The following RAP1GDS1 variants were observed in gnomAD, a reference collection of about 807,000 sequenced individuals.
The protein encoded by RAP1GDS1 is RAP1, GTP-GDP dissociation stimulator 1.
In RAP1GDS1, 35 loss-of-function variants were observed where a neutral mutation model predicts 71.1. That is an observed-to-expected ratio of 0.49 (90% CI 0.38 to 0.65). RAP1GDS1 has a LOEUF of 0.65. RAP1GDS1 is among the 30% of genes least tolerant of loss of function. RAP1GDS1 has a pLI of 0.00. For synonymous variants in RAP1GDS1, 229 were observed against 243.1 expected, an observed-to-expected ratio of 0.94 and a Z score of 0.54; for missense variants, 663 against 706.1, an observed-to-expected ratio of 0.94 and a Z score of 0.69.
chr4:98,424,770 CAAAA>C (rs1157760868), intron 12 of RAP1GDS1, among the ~76,000 whole-genome samples: 1 of 83,650 alleles, frequency 1.2e-5, no homozygotes, highest in Non-Finnish European at 2.6e-5. Context: ...ACTCTGTCTC[CAAAA>C]AAAAAAAAAA....
intron 12 of RAP1GDS1, among the ~76,000 whole-genome samples, chr4:98,433,702 A>G (rs1750766118): frequency 2.0e-5 from 3 of 152,288 alleles, no homozygotes; most frequent in East Asian, 1.9e-4. Context: ...GTTTTTTAAT[A>G]TGAACTGCAG....
chr4:98,403,561 G>A (rs940555889), intron 6 of RAP1GDS1, among the ~76,000 whole-genome samples: 2 of 152,168 alleles, frequency 1.3e-5, no homozygotes, highest in African/African-American at 4.8e-5. Flanking sequence ...AGATACTCAA[G>A]TAGAGGTGTC....
chr4:98,344,551 A>G (rs773799970), intron 3 of RAP1GDS1, among the ~76,000 whole-genome samples: 50 of 152,284 alleles, frequency 3.3e-4, no homozygotes, highest in Admixed American at 1.2e-3. Context: ...TTACTTAATA[A>G]TATTCCTCAT....
chr4:98,437,049 A>G lies in RAP1GDS1; in HGVS notation c.1677A>G (p.Ile559Met), dbSNP rs1426327293. The G allele has an allele frequency of 2.5e-6, 4 of 1,606,380 alleles. No individual in the cohort carries two copies. The highest frequency in any genetic ancestry group is 2.5e-6 in the Non-Finnish European group (3 of 1,177,998). Residue 559 changes from isoleucine (I) to methionine (M), a missense_variant, in exon 14 of 15, where the codon ATA becomes ATG. Physicochemically the swap from Ile to Met is conservative, Grantham distance 10 (BLOSUM62 1). Transcript: ENST00000408927. ...PEIKYNSMVL[I>M]CALMGSECLH... ...TCAAATATAATTCCATGGTCCTGAT[A>G]TGTGCTCTTATGGGATCTGGTAAGT...
chr4:98,417,288 GGA>G, intron 8 of RAP1GDS1, 77 bp from the exon 9 acceptor site: 2 of 1,402,614 alleles, frequency 1.4e-6, no homozygotes, highest in Non-Finnish European at 2.0e-6. Context: ...GTTTCCAGTT[GGA>G]TATTCACCTA....
intron 2 of RAP1GDS1, among the ~76,000 whole-genome samples, chr4:98,341,893 A>T (rs921237647): frequency 1.3e-5 from 2 of 152,216 alleles, no homozygotes; most frequent in African/African-American, 4.8e-5. Flanking sequence ...TACATTTTAC[A>T]TACAGTACAT....
At chr4:98,374,227 G>A (rs577682359) in intron 4 of RAP1GDS1, among the ~76,000 whole-genome samples, 1 of 152,184 alleles carries the variant, frequency 6.6e-6, no homozygotes, top group East Asian at 1.9e-4. Context: ...TCATGTTTTA[G>A]TTTGTGTAAT....
intron 13 of RAP1GDS1, among the ~76,000 whole-genome samples, chr4:98,436,175 G>A (rs1349377273): frequency 2.6e-5 from 4 of 151,892 alleles, no homozygotes; most frequent in African/African-American, 4.8e-5. Flanking sequence ...AGCACCTTTC[G>A]TTGAAAAGCT....
chr4:98,439,227 T>C (rs1360931223), intron 14 of RAP1GDS1, among the ~76,000 whole-genome samples: 1 of 152,196 alleles, frequency 6.6e-6, no homozygotes, highest in East Asian at 1.9e-4. Context: ...TTTCTTTCTT[T>C]ACTTGAAAAC....
At chr4:98,422,151 G>A (rs899415592) in intron 12 of RAP1GDS1, among the ~76,000 whole-genome samples, 33 of 152,164 alleles carry the variant, frequency 2.2e-4, no homozygotes, top group African/African-American at 6.0e-4. Flanking sequence ...AGAGAGCCGA[G>A]ATTGCACCAC....
intron 8 of RAP1GDS1, 109 bp from the exon 9 acceptor site, chr4:98,417,254 AATGT>A (rs1748168093): frequency 9.7e-7 from 1 of 1,028,090 alleles, no homozygotes; most frequent in Non-Finnish European, 1.4e-6. Flanking sequence ...TCCCATTATG[AATGT>A]AACAGTTTGT....
intron 4 of RAP1GDS1, among the ~76,000 whole-genome samples, chr4:98,361,995 A>G (rs542407179): frequency 1.3e-5 from 2 of 152,302 alleles, no homozygotes; most frequent in South Asian, 4.1e-4. Context: ...CTGGAAGGTG[A>G]ATAAATTGCG....
chr4:98,413,545 G>A (rs1361980178), intron 7 of RAP1GDS1, among the ~76,000 whole-genome samples: 1 of 152,062 alleles, frequency 6.6e-6, no homozygotes, highest in East Asian at 1.9e-4. Flanking sequence ...CAAAGGACAT[G>A]AACTCATCAT....
intron 7 of RAP1GDS1, among the ~76,000 whole-genome samples, chr4:98,406,973 A>G (rs943903457): frequency 6.6e-6 from 1 of 152,148 alleles, no homozygotes; most frequent in Non-Finnish European, 1.5e-5. Context: ...ACGTGTTACA[A>G]GTAAAGACCT....
intron 6 of RAP1GDS1, 169 bp downstream of exon 6, chr4:98,392,249 TTATGA>T (rs1272432401): frequency 5.0e-6 from 3 of 595,706 alleles, no homozygotes; most frequent in Middle Eastern, 4.6e-4. Flanking sequence ...CAATTAGATC[TTATGA>T]TTGCATTGTT....
At chr4:98,274,238 C>T (rs1424188209) in intron 1 of RAP1GDS1, among the ~76,000 whole-genome samples, 3 of 151,936 alleles carry the variant, frequency 2.0e-5, no homozygotes, top group Admixed American at 6.6e-5. Context: ...CAGAAAATTT[C>T]GTTTGTGACC....
intron 2 of RAP1GDS1, among the ~76,000 whole-genome samples, chr4:98,324,985 A>G (rs1218188272): frequency 6.6e-6 from 1 of 150,814 alleles, no homozygotes; most frequent in South Asian, 2.1e-4. Context: ...TGAACAGGCA[A>G]CCTACAAAAT....
Position 98,412,580 on chromosome 4 carries a change from G to A in RAP1GDS1, c.764-4165G>A, listed in dbSNP as rs114865334. Among the ~76,000 whole-genome samples, 653 of 152,264 alleles carry A rather than the reference G, an allele frequency of 4.3e-3. 5 individuals carry two copies. Among genetic ancestry groups the A allele is most frequent in the African/African-American group, 0.015 (614 of 41,558 alleles). On this transcript the variant is annotated intron_variant, in intron 7 of 14. Transcript: ENST00000408927. ...AGTTGACTAGCATTTATCTTAAGGA[G>A]TATCAACTACACTCAAAGCATTTAG...
intron 4 of RAP1GDS1, among the ~76,000 whole-genome samples, chr4:98,354,658 A>G (rs192879020): frequency 1.5e-4 from 23 of 152,268 alleles, no homozygotes; most frequent in African/African-American, 5.1e-4. Context: ...ATATCTATTT[A>G]TCTTATGGGA....
Sources: allele counts gnomAD v4.1 joint callset (sites outside exome capture counted in the v4.1 genomes callset), GRCh38; gene constraint gnomAD v4.1.1; transcripts MANE v1.5; gene names NCBI Gene and HGNC (gene_info 2026-07-23, HGNC 2026-07-21).